The following LRRC7 variants were observed in gnomAD, a reference collection of about 807,000 sequenced individuals.
LRRC7 encodes the protein leucine rich repeat containing 7.
A neutral mutation model predicts 175.7 loss-of-function variants in LRRC7; 23 were observed. The ratio of observed to expected loss-of-function variants is 0.13; its 90% confidence interval spans 0.09 to 0.19. The LOEUF is 0.19. Among genes scored for constraint, LRRC7 ranks in the 10% least tolerant of loss-of-function variants. The probability of loss-of-function intolerance (pLI) is 1.00; values close to 1 mark genes in which losing one functional copy is unlikely to be tolerated. For missense variants in LRRC7, 1,354 were observed against 1,904.7 expected (o/e 0.71, Z 5.38); for synonymous variants, 685 against 680.9 (o/e 1.01, Z -0.09).
chr1:69,582,711 C>A (rs780891743), intron 1 of LRRC7, among the ~76,000 whole-genome samples: 1 of 152,072 alleles, frequency 6.6e-6, no homozygotes, highest in Non-Finnish European at 1.5e-5. Context: ...ACAGTTTTTT[C>A]CTTCCTAACA....
At chr1:70,120,640 A>G (rs1175272587) in intron 26 of LRRC7, among the ~76,000 whole-genome samples, 1 of 152,134 alleles carries the variant, frequency 6.6e-6, no homozygotes, top group African/African-American at 2.4e-5. Flanking sequence ...TTAAGAAAGC[A>G]TAAAAATAGT....
At chr1:69,587,382 C>T (rs1372431836) in intron 1 of LRRC7, among the ~76,000 whole-genome samples, 1 of 152,160 alleles carries the variant, frequency 6.6e-6, no homozygotes, top group African/African-American at 2.4e-5. Context: ...CCTCACTGAT[C>T]CCTCACTTCC....
chr1:69,945,127 TAC>T (rs1649168951), intron 8 of LRRC7, among the ~76,000 whole-genome samples: 1 of 152,138 alleles, frequency 6.6e-6, no homozygotes, highest in African/African-American at 2.4e-5. Context: ...CTAGAAGTTT[TAC>T]AGTTTCGGGA....
At chr1:69,568,735 G>T (rs1282626008) in intron 1 of LRRC7, 94 bp downstream of exon 1, 2 of 880,306 alleles carry the variant, frequency 2.3e-6, no homozygotes, top group Non-Finnish European at 1.5e-6. Flanking sequence ...CCAGAGGCCG[G>T]CCGGGGGCGG....
intron 8 of LRRC7, among the ~76,000 whole-genome samples, chr1:69,936,333 A>G (rs1389359828): frequency 6.6e-6 from 1 of 152,190 alleles, no homozygotes; most frequent in Non-Finnish European, 1.5e-5. Context: ...TTTTATTGGA[A>G]CGATAATAAA....
At chr1:69,571,640 A>G (rs1645743113) in intron 1 of LRRC7, among the ~76,000 whole-genome samples, 1 of 152,108 alleles carries the variant, frequency 6.6e-6, no homozygotes, top group East Asian at 1.9e-4. Context: ...CACTTTTTAG[A>G]ACAGATAAAA....
At chr1:69,850,499 C>T (rs1682855260) in intron 7 of LRRC7, among the ~76,000 whole-genome samples, 2 of 152,026 alleles carry the variant, frequency 1.3e-5, no homozygotes, top group East Asian at 3.9e-4. Flanking sequence ...GGAGACAACA[C>T]TGAAAAACGG....
intron 26 of LRRC7, among the ~76,000 whole-genome samples, chr1:70,116,470 C>T (rs767079517): frequency 6.6e-6 from 1 of 150,646 alleles, no homozygotes; most frequent in Non-Finnish European, 1.5e-5. Context: ...TGGCGTGAGC[C>T]CGGGAGGCAG....
chr1:69,800,405 T>C (rs1676330608), intron 4 of LRRC7, among the ~76,000 whole-genome samples: 1 of 152,012 alleles, frequency 6.6e-6, no homozygotes, highest in Non-Finnish European at 1.5e-5. Context: ...CTTTGGGTCA[T>C]CTACAATTTG....
At chr1:69,947,701 C>T (rs1487360687) in intron 8 of LRRC7, among the ~76,000 whole-genome samples, 1 of 152,016 alleles carries the variant, frequency 6.6e-6, no homozygotes, top group African/African-American at 2.4e-5. Flanking sequence ...AATATTCCCC[C>T]TTTATCTGCA....
intron 8 of LRRC7, among the ~76,000 whole-genome samples, chr1:69,969,358 C>G (rs1411010268): frequency 6.6e-6 from 1 of 152,054 alleles, no homozygotes; most frequent in Admixed American, 6.6e-5. Flanking sequence ...AAGAATTCAC[C>G]AACCAACTAT....
intron 26 of LRRC7, among the ~76,000 whole-genome samples, chr1:70,120,057 G>A (rs149421340): frequency 4.8e-4 from 73 of 152,186 alleles, no homozygotes; most frequent in African/African-American, 1.6e-3. Context: ...TGTTCCTGAT[G>A]TCTGAAACAG....
chr1:69,664,349 G>A (rs1315022736), intron 1 of LRRC7, among the ~76,000 whole-genome samples: 1 of 152,136 alleles, frequency 6.6e-6, no homozygotes, highest in Non-Finnish European at 1.5e-5. Flanking sequence ...TAATAAAGTA[G>A]CTGTTTTATT....
Position 69,903,822 on chromosome 1 carries a change from A to G in LRRC7, c.648-27685A>G, listed in dbSNP as rs142451628. Among the ~76,000 whole-genome samples, 495 of 152,282 alleles carry G rather than the reference A, an allele frequency of 3.3e-3. 1 individual carries two copies. Among genetic ancestry groups the G allele is most frequent in the African/African-American group, 0.011 (446 of 41,550 alleles). ...AACAATAAAAAATGATAAAGGAGAG[A>G]TCACCACTGATCCCACAGAAATACA... On this transcript the variant is annotated intron_variant, in intron 7 of 26. Transcript: ENST00000651989.
chr1:70,061,594 A>G (rs1661581012), intron 23 of LRRC7, among the ~76,000 whole-genome samples: 1 of 152,206 alleles, frequency 6.6e-6, no homozygotes, highest in Admixed American at 6.5e-5. Flanking sequence ...TAATTTAAAA[A>G]ATGTTTGGCA....
At chr1:69,902,860 T>C (rs1256488275) in intron 7 of LRRC7, among the ~76,000 whole-genome samples, 2 of 152,204 alleles carry the variant, frequency 1.3e-5, no homozygotes, top group East Asian at 3.9e-4. Flanking sequence ...TAATTACCCA[T>C]AAGAAATAAT....
At chr1:69,629,644 C>G (rs1039645922) in intron 1 of LRRC7, among the ~76,000 whole-genome samples, 2 of 152,036 alleles carry the variant, frequency 1.3e-5, no homozygotes, top group Admixed American at 1.3e-4. Context: ...AGTTTTGACT[C>G]TTTAGTATGT....
intron 7 of LRRC7, among the ~76,000 whole-genome samples, chr1:69,847,754 T>C (rs549532882): frequency 6.6e-6 from 1 of 152,222 alleles, no homozygotes; most frequent in East Asian, 1.9e-4. Flanking sequence ...AACGCTTGCC[T>C]GTGCCTTCAA....
At chr1:69,877,041 A>G (rs6662014) in intron 7 of LRRC7, among the ~76,000 whole-genome samples, 69,376 of 151,956 alleles carry the variant, frequency 0.46, 16,193 homozygotes, top group East Asian at 0.55. Context: ...AATGAGTGTT[A>G]CTCATAGAGA....
Sources: allele counts gnomAD v4.1 joint callset (sites outside exome capture counted in the v4.1 genomes callset), GRCh38; gene constraint gnomAD v4.1.1; transcripts MANE v1.5; gene names NCBI Gene and HGNC (gene_info 2026-07-23, HGNC 2026-07-21).